The following SPATA17 variants were observed in gnomAD, a reference collection of about 807,000 sequenced individuals.
The protein encoded by SPATA17 is spermatogenesis-associated protein 17.
SPATA17 carries 53 observed loss-of-function variants against 62.2 expected under a neutral mutation model. That is an observed-to-expected ratio of 0.85 (90% CI 0.68 to 1.07). SPATA17 has a LOEUF of 1.07. Ranked by LOEUF, SPATA17 falls within the 50% of genes least tolerant of loss-of-function variation. The probability of loss-of-function intolerance (pLI) is 0.00; values close to 1 mark genes in which losing one functional copy is unlikely to be tolerated. For missense variants in SPATA17, 466 were observed against 425.5 expected, an observed-to-expected ratio of 1.10 and a Z score of -0.84; for synonymous variants, 146 against 146.8, an observed-to-expected ratio of 0.99 and a Z score of 0.04.
chr1:217,742,377 T>C (rs967672068), intron 6 of SPATA17, among the ~76,000 whole-genome samples: 2 of 152,194 alleles, frequency 1.3e-5, no homozygotes, highest in Non-Finnish European at 2.9e-5. Context: ...ATAACCTCGC[T>C]TTCAAAACTC....
chr1:217,753,052 C>T (rs899180477), intron 6 of SPATA17, among the ~76,000 whole-genome samples: 8 of 152,172 alleles, frequency 5.3e-5, no homozygotes, highest in Non-Finnish European at 7.4e-5. Context: ...TCTCATACCA[C>T]CCAACCCACG....
intron 7 of SPATA17, among the ~76,000 whole-genome samples, chr1:217,776,392 G>C (rs1167874155): frequency 6.6e-6 from 1 of 152,182 alleles, no homozygotes; most frequent in East Asian, 1.9e-4. Context: ...GCGTGCCCTT[G>C]TGTATCTATA....
At chr1:217,852,153 C>T (rs1185220577) in intron 9 of SPATA17, among the ~76,000 whole-genome samples, 1 of 152,120 alleles carries the variant, frequency 6.6e-6, no homozygotes, top group Non-Finnish European at 1.5e-5. Context: ...GAAAAGAATA[C>T]CTGACATTGA....
intron 5 of SPATA17, among the ~76,000 whole-genome samples, 162 bp downstream of exon 5, chr1:217,683,523 C>T (rs1338684260): frequency 6.6e-6 from 1 of 152,128 alleles, no homozygotes; most frequent in East Asian, 1.9e-4. Flanking sequence ...ACTGCAATCT[C>T]CTCCTCTTGG....
intron 5 of SPATA17, among the ~76,000 whole-genome samples, chr1:217,699,571 T>G (rs1465732212): frequency 9.2e-5 from 14 of 152,156 alleles, no homozygotes; most frequent in Non-Finnish European, 2.1e-4. Flanking sequence ...ATGGTTGAGA[T>G]TTTGGGAGTT....
intron 9 of SPATA17, among the ~76,000 whole-genome samples, chr1:217,842,245 T>C (rs1209483428): frequency 6.6e-6 from 1 of 152,054 alleles, no homozygotes; most frequent in Admixed American, 6.6e-5. Flanking sequence ...TCTATGTTTG[T>C]AAGATAGATT....
intron 9 of SPATA17, among the ~76,000 whole-genome samples, chr1:217,817,387 C>T (rs1674745240): frequency 6.6e-6 from 1 of 151,976 alleles, no homozygotes. Flanking sequence ...AGAGGTTTTC[C>T]CCTTCATTCA....
intron 9 of SPATA17, among the ~76,000 whole-genome samples, chr1:217,853,485 G>A (rs1361698398): frequency 1.3e-5 from 2 of 151,964 alleles, no homozygotes; most frequent in Admixed American, 1.3e-4. Context: ...TCGTATCCCA[G>A]GAGTCATTGT....
intron 9 of SPATA17, among the ~76,000 whole-genome samples, chr1:217,810,459 T>C (rs567719685): frequency 5.5e-4 from 84 of 151,856 alleles, no homozygotes; most frequent in Non-Finnish European, 8.4e-4. Context: ...CCATCTCTAC[T>C]AAAAATACAA....
intron 9 of SPATA17, among the ~76,000 whole-genome samples, chr1:217,813,249 A>G (rs1674637050): frequency 6.6e-6 from 1 of 152,156 alleles, no homozygotes; most frequent in African/African-American, 2.4e-5. Flanking sequence ...GCACCCGGTG[A>G]TTGAATCTGC....
chr1:217,685,075 A>G (rs997508846), intron 5 of SPATA17, among the ~76,000 whole-genome samples: 1 of 108,790 alleles, frequency 9.2e-6, no homozygotes, highest in Non-Finnish European at 2.0e-5. Flanking sequence ...GGCTGACTTT[A>G]GCTTGTCAGG....
At chr1:217,728,888 C>A (rs1402938782) in intron 5 of SPATA17, among the ~76,000 whole-genome samples, 1 of 152,168 alleles carries the variant, frequency 6.6e-6, no homozygotes, top group Non-Finnish European at 1.5e-5. Context: ...CATTGGCTGT[C>A]AGGTAAGCCT....
chr1:217,835,026 T>G (rs1335121349), intron 9 of SPATA17, among the ~76,000 whole-genome samples: 4 of 152,242 alleles, frequency 2.6e-5, no homozygotes, highest in South Asian at 2.1e-4. Context: ...GGTATATAGC[T>G]TAGGAGAAAT....
chr1:217,857,100 G>A (rs1675803664), intron 9 of SPATA17, among the ~76,000 whole-genome samples: 1 of 152,220 alleles, frequency 6.6e-6, no homozygotes, highest in Admixed American at 6.5e-5. Flanking sequence ...AAAAATATGT[G>A]CATAACCCTT....
chr1:217,811,802 A>G (rs1674597976), intron 9 of SPATA17, among the ~76,000 whole-genome samples: 1 of 152,190 alleles, frequency 6.6e-6, no homozygotes, highest in Non-Finnish European at 1.5e-5. Flanking sequence ...TATTAGAAAT[A>G]CTTTACAATT....
At chr1:217,728,602 A>C (rs767322399) in intron 5 of SPATA17, among the ~76,000 whole-genome samples, 5 of 152,012 alleles carry the variant, frequency 3.3e-5, no homozygotes, top group Non-Finnish European at 7.4e-5. Context: ...CCACAGGACG[A>C]TTTTTGTTAA....
At chr1:217,632,335 G>T (rs896475620) in intron 1 of SPATA17, among the ~76,000 whole-genome samples, 4 of 152,098 alleles carry the variant, frequency 2.6e-5, no homozygotes, top group African/African-American at 9.7e-5. Flanking sequence ...CAAACTTCTT[G>T]CCCAGGAAGA....
chr1:217,807,735 T>G (rs1674472647), intron 9 of SPATA17, among the ~76,000 whole-genome samples: 1 of 152,166 alleles, frequency 6.6e-6, no homozygotes. Context: ...AAAATATTTT[T>G]TTATCTGATT....
intron 5 of SPATA17, among the ~76,000 whole-genome samples, chr1:217,712,128 C>CTTTTTTTTTTT (rs551988828): frequency 0.029 from 3,849 of 133,728 alleles, 228 homozygotes; most frequent in Middle Eastern, 0.046. Context: ...ACAATATGTT[C>CTTTTTTTTTTT]TTTTGTTTTT....
Sources: allele counts gnomAD v4.1 joint callset (sites outside exome capture counted in the v4.1 genomes callset), GRCh38; gene constraint gnomAD v4.1.1; transcripts MANE v1.5; gene names NCBI Gene and HGNC (gene_info 2026-07-23, HGNC 2026-07-21).